JPH1: variants seen among roughly 807,000 people sequenced by gnomAD.
JPH1 encodes the protein junctophilin-1.
In JPH1, 12 loss-of-function variants were observed where a neutral mutation model predicts 53.6. The observed-to-expected ratio is 0.22, with a 90% CI of 0.14 to 0.36. The LOEUF (loss-of-function observed/expected upper bound fraction) is 0.36. Among genes scored for constraint, JPH1 ranks in the 10% least tolerant of loss-of-function variants. The pLI, the probability that JPH1 is intolerant of heterozygous loss-of-function variation, is 1.00. For synonymous variants in JPH1, 375 were observed against 363.8 expected (o/e 1.03, Z -0.35); for missense variants, 808 against 905.5 (o/e 0.89, Z 1.38).
intron 2 of JPH1, among the ~76,000 whole-genome samples, chr8:74,288,222 C>T (rs1028260): frequency 0.3 from 46,126 of 151,966 alleles, 7,125 homozygotes; most frequent in African/African-American, 0.35. Flanking sequence ...GGGGCTTTGG[C>T]GAGGACAGGT....
intron 2 of JPH1, among the ~76,000 whole-genome samples, chr8:74,261,606 C>T (rs1326434044): frequency 3.9e-5 from 6 of 152,218 alleles, no homozygotes; most frequent in South Asian, 4.2e-4. Flanking sequence ...TGCTGAGGTA[C>T]GATGGGTAAT....
chr8:74,289,751 C>A (rs942525615), intron 2 of JPH1, among the ~76,000 whole-genome samples: 14 of 152,136 alleles, frequency 9.2e-5, no homozygotes, highest in African/African-American at 3.4e-4. Flanking sequence ...CCCATCAATA[C>A]CTAGTTTATT....
chr8:74,305,590 T>A (rs2131452662), intron 2 of JPH1, among the ~76,000 whole-genome samples: 1 of 152,344 alleles, frequency 6.6e-6, no homozygotes, highest in East Asian at 1.9e-4. Flanking sequence ...AGCTCAGGCT[T>A]CTACAGTTAA....
At chr8:74,291,524 T>G (rs966027658) in intron 2 of JPH1, among the ~76,000 whole-genome samples, 2 of 152,350 alleles carry the variant, frequency 1.3e-5, no homozygotes, top group Non-Finnish European at 2.9e-5. Flanking sequence ...TTTACACTGT[T>G]GGTGGGACTG....
intron 2 of JPH1, among the ~76,000 whole-genome samples, chr8:74,311,955 A>G (rs1808010310): frequency 6.6e-6 from 1 of 151,986 alleles, no homozygotes; most frequent in Non-Finnish European, 1.5e-5. Flanking sequence ...AGTCTTTGCT[A>G]TTGTGAATAA....
intron 2 of JPH1, among the ~76,000 whole-genome samples, chr8:74,266,830 C>G (rs1480471290): frequency 1.3e-5 from 2 of 152,062 alleles, no homozygotes; most frequent in Non-Finnish European, 2.9e-5. Context: ...GCAACCCAGC[C>G]CTGGCATGCT....
At chr8:74,263,091 C>T (rs1279711401) in intron 2 of JPH1, among the ~76,000 whole-genome samples, 1 of 152,176 alleles carries the variant, frequency 6.6e-6, no homozygotes. Flanking sequence ...ATACATGGAA[C>T]ATGCTGAGCA....
intron 2 of JPH1, among the ~76,000 whole-genome samples, chr8:74,292,650 A>AAAAT (rs57263053): frequency 1.8e-5 from 1 of 56,846 alleles, no homozygotes; most frequent in Non-Finnish European, 3.4e-5. Flanking sequence ...CACTGCTGTT[A>AAAAT]AAAAACAAAC....
intron 2 of JPH1, among the ~76,000 whole-genome samples, chr8:74,271,608 G>A (rs370359000): frequency 6.6e-6 from 1 of 152,218 alleles, no homozygotes; most frequent in South Asian, 2.1e-4. Context: ...CTGTAGCCAT[G>A]AGGCTCTCTA....
At chr8:74,238,792 A>C (rs1341783143) in intron 4 of JPH1, among the ~76,000 whole-genome samples, 1 of 152,142 alleles carries the variant, frequency 6.6e-6, no homozygotes, top group Non-Finnish European at 1.5e-5. Context: ...TGAGTAGCTG[A>C]GACCAACAGT....
intron 2 of JPH1, among the ~76,000 whole-genome samples, chr8:74,299,541 TTC>T (rs1352277226): frequency 6.6e-6 from 1 of 152,184 alleles, no homozygotes; most frequent in African/African-American, 2.4e-5. Flanking sequence ...ACTTTCCTTC[TTC>T]TGTCTATAAC....
At chr8:74,272,366 T>A (rs1806724053) in intron 2 of JPH1, among the ~76,000 whole-genome samples, 1 of 152,168 alleles carries the variant, frequency 6.6e-6, no homozygotes, top group South Asian at 2.1e-4. Context: ...ATTGCATACA[T>A]CATTCTGCTC....
Position 74,315,499 on chromosome 8 carries a change from GCGCAGCGAGGCCAGCGAGGTA to G in JPH1, c.480_500del (p.Thr161_Arg167del). ...GCACGCTGCCATTGCTCTGCTCGCT[GCGCAGCGAGGCCAGCGAGGTA>G]CGCAGCGGTGAGCGGATCACCGTGG... On this transcript the variant is annotated inframe_deletion, in exon 2 of 6. Transcript: ENST00000342232. The surrounding 1 kb of genome is among the most constrained non-coding windows in gnomAD (Gnocchi z 6.3). 1 of 1,605,970 alleles carries G rather than the reference GCGCAGCGAGGCCAGCGAGGTA, an allele frequency of 6.2e-7. No individual in the cohort carries two copies. The highest frequency in any genetic ancestry group is 8.5e-7 in the Non-Finnish European group (1 of 1,177,112).
At chr8:74,307,856 C>A (rs1321240390) in intron 2 of JPH1, among the ~76,000 whole-genome samples, 2 of 152,182 alleles carry the variant, frequency 1.3e-5, no homozygotes, top group Non-Finnish European at 2.9e-5. Context: ...ATTTCAAAGT[C>A]CTGGCCCTTT....
chr8:74,318,905 AC>A (rs1196555884), intron 1 of JPH1, among the ~76,000 whole-genome samples: 2 of 152,242 alleles, frequency 1.3e-5, no homozygotes, highest in Admixed American at 6.5e-5. Flanking sequence ...TGAAATAGTT[AC>A]ATATGAGACA....
intron 3 of JPH1, among the ~76,000 whole-genome samples, chr8:74,257,516 C>T (rs1051246858): frequency 2.6e-5 from 4 of 152,164 alleles, no homozygotes; most frequent in African/African-American, 9.7e-5. Context: ...AAGCCCAGTG[C>T]CTCCTGATCA....
chr8:74,298,416 C>A (rs886909719), intron 2 of JPH1, among the ~76,000 whole-genome samples: 3 of 152,090 alleles, frequency 2.0e-5, no homozygotes, highest in Admixed American at 2.0e-4. Context: ...TGATCTCATC[C>A]CCAACTTCTG....
At chr8:74,313,754 AAG>A (rs1375045424) in intron 2 of JPH1, among the ~76,000 whole-genome samples, 2 of 152,198 alleles carry the variant, frequency 1.3e-5, no homozygotes, top group African/African-American at 4.8e-5. Flanking sequence ...ACTTCTGTGG[AAG>A]AGTGTTATTG....
chr8:74,263,895 T>C (rs568734519), intron 2 of JPH1, among the ~76,000 whole-genome samples: 2 of 152,318 alleles, frequency 1.3e-5, no homozygotes, highest in East Asian at 3.9e-4. Flanking sequence ...AATTATCCTG[T>C]GTAGACAGTT....
Sources: allele counts gnomAD v4.1 joint callset (sites outside exome capture counted in the v4.1 genomes callset), GRCh38; gene constraint gnomAD v4.1.1; non-coding constraint Gnocchi (gnomAD v3.1); transcripts MANE v1.5; gene names NCBI Gene and HGNC (gene_info 2026-07-23, HGNC 2026-07-21).